The following POMK variants were observed in gnomAD, a reference collection of about 807,000 sequenced individuals.
The protein encoded by POMK is Sugen kinase 196.
Under a neutral mutation model 23.0 loss-of-function variants are expected in POMK, and 19 were observed. That is an observed-to-expected ratio of 0.83 (90% CI 0.58 to 1.21). The LOEUF (loss-of-function observed/expected upper bound fraction) is 1.21. Among genes scored for constraint, POMK ranks in the 50% most tolerant of loss-of-function variants. POMK has a pLI of 0.00. For missense variants in POMK, 410 were observed against 431.3 expected (o/e 0.95, Z 0.44); for synonymous variants, 173 against 171.6 (o/e 1.01, Z -0.06).
intron 4 of POMK, among the ~76,000 whole-genome samples, chr8:43,114,416 C>T (rs529462212): frequency 2.0e-4 from 30 of 152,272 alleles, no homozygotes; most frequent in Admixed American, 5.2e-4. Context: ...CTCCGAGCCA[C>T]GTGCGGGATA....
At chr8:43,095,472 A>G (rs947378791) in intron 1 of POMK, among the ~76,000 whole-genome samples, 1 of 152,226 alleles carries the variant, frequency 6.6e-6, no homozygotes, top group Admixed American at 6.5e-5. Context: ...GGATTCAGCA[A>G]GAAATGCATT....
chr8:43,122,864 G>A lies in POMK; in HGVS notation c.1040G>A (p.Arg347Lys), dbSNP rs1392522192. ...TLRDAMMSQAREML is the reference protein window; with the variant it reads ...TLRDAMMSQAKEML ...AGAGATGCCATGATGTCTCAGGCAAGAGAGATGCTGTGAAAACCAGTCCAG... is the reference window on the plus strand; with the variant it reads ...AGAGATGCCATGATGTCTCAGGCAAAAGAGATGCTGTGAAAACCAGTCCAG... The change falls in exon 5 of 5, where the codon AGA becomes AAA. Residue 347 changes from arginine to lysine, a missense_variant. Transcript: ENST00000331373. 3.7e-6 allele frequency: 6 copies of A among 1,608,224 alleles called. No individual in the cohort carries two copies. The highest frequency in any genetic ancestry group is 1.3e-5 in the African/African-American group (1 of 74,856).
At chr8:43,111,442 G>T (rs950480083) in intron 4 of POMK, among the ~76,000 whole-genome samples, 77 of 152,352 alleles carry the variant, frequency 5.1e-4, no homozygotes, top group African/African-American at 1.8e-3. Flanking sequence ...ACTGGGTGGA[G>T]CCCACCACAG....
At chr8:43,104,861 G>T (rs1811515944) in intron 4 of POMK, among the ~76,000 whole-genome samples, 2 of 152,000 alleles carry the variant, frequency 1.3e-5, no homozygotes, top group Admixed American at 1.3e-4. Flanking sequence ...AGCCTGGGGA[G>T]TTTGAGGCTA....
intron 4 of POMK, among the ~76,000 whole-genome samples, chr8:43,117,403 CA>C (rs1177695546): frequency 3.9e-5 from 6 of 152,158 alleles, no homozygotes; most frequent in Non-Finnish European, 2.9e-5. Flanking sequence ...TCATCCATCG[CA>C]AACGTCTTTA....
Position 43,122,641 on chromosome 8 carries a change from A to G in POMK, c.817A>G (p.Met273Val). ...GGACGTGCCTTTCCACGATGATCTC[A>G]TGCCCTCATATGATGAGAAGATTGA... is the stretch of plus-strand genomic sequence containing the variant. ...GEDVPFHDDLMPSYDEKIDIW... is the reference protein window; with the variant it reads ...GEDVPFHDDLVPSYDEKIDIW... Residue 273 changes from methionine (M) to valine (V), a missense_variant, in exon 5 of 5, where the codon ATG (methionine) becomes GTG (valine). Coordinates refer to ENST00000331373, the MANE Select transcript of POMK (RefSeq NM_032237.5). 1 of 1,614,028 alleles carries G rather than the reference A, an allele frequency of 6.2e-7. No homozygotes were observed. Among genetic ancestry groups the G allele is most frequent in the East Asian group, 2.2e-5 (1 of 44,886 alleles).
At chr8:43,115,494 T>A (rs140609839) in intron 4 of POMK, among the ~76,000 whole-genome samples, 3 of 152,140 alleles carry the variant, frequency 2.0e-5, no homozygotes, top group Non-Finnish European at 4.4e-5. Context: ...TATCCTGACC[T>A]CTCTCTCATC....
chr8:43,102,768 G>T (rs1811469471), intron 3 of POMK, among the ~76,000 whole-genome samples, 168 bp downstream of exon 3: 1 of 152,124 alleles, frequency 6.6e-6, no homozygotes, highest in African/African-American at 2.4e-5. Flanking sequence ...GCCATCCACG[G>T]TCCTACTTCA....
At chr8:43,105,630 T>C (rs1014906307) in intron 4 of POMK, among the ~76,000 whole-genome samples, 1 of 152,186 alleles carries the variant, frequency 6.6e-6, no homozygotes, top group African/African-American at 2.4e-5. Flanking sequence ...TTGTGAATAG[T>C]GCTGCAATAA....
In POMK at chr8:43,122,346, G is replaced by C; in HGVS notation, c.522G>C (p.Thr174=). The change falls in exon 5 of 5, where the codon ACG becomes ACC. Residue 174 remains threonine (T), a synonymous_variant. Transcript: ENST00000331373. ...TTTCAAAGTACCAAAATGTGAACACGTGGCAGCACAGGCTGGAGCTGGCCA... is the reference window on the plus strand; with the variant it reads ...TTTCAAAGTACCAAAATGTGAACACCTGGCAGCACAGGCTGGAGCTGGCCA... The part of the protein sequence containing the change: ...LNLSKYQNVN[T]WQHRLELAMD... The C allele has an allele frequency of 1.2e-6, 2 of 1,614,214 alleles. No individual in the cohort carries two copies. The highest frequency in any genetic ancestry group is 2.2e-5 in the South Asian group (2 of 91,086).
At chr8:43,101,249 C>A (rs546185279) in intron 2 of POMK, among the ~76,000 whole-genome samples, 90 of 151,542 alleles carry the variant, frequency 5.9e-4, no homozygotes, top group African/African-American at 2.1e-3. Flanking sequence ...ATCGTGAGAC[C>A]CAGTCTCTAC....
At chr8:43,111,919 G>T (rs201933981) in intron 4 of POMK, among the ~76,000 whole-genome samples, 13 of 152,162 alleles carry the variant, frequency 8.5e-5, no homozygotes, top group Non-Finnish European at 1.3e-4. Flanking sequence ...CCATCTGTAC[G>T]TCACCATCAT....
At chr8:43,094,236 C>A (rs562149264) in intron 1 of POMK, among the ~76,000 whole-genome samples, 2 of 152,256 alleles carry the variant, frequency 1.3e-5, no homozygotes, top group South Asian at 4.1e-4. Flanking sequence ...GGGGTTTCCC[C>A]ATGTTGGTCA....
At chr8:43,114,477 G>A (rs1367207482) in intron 4 of POMK, among the ~76,000 whole-genome samples, 4 of 152,232 alleles carry the variant, frequency 2.6e-5, no homozygotes, top group African/African-American at 7.2e-5. Context: ...TGCAGTATTA[G>A]GGTGGGAGTG....
chr8:43,117,205 C>G (rs1811818593), intron 4 of POMK, among the ~76,000 whole-genome samples: 1 of 152,200 alleles, frequency 6.6e-6, no homozygotes, highest in South Asian at 2.1e-4. Context: ...AGGGCAAATT[C>G]ACTTCTTTTG....
At chr8:43,117,192 G>A (rs1006662792) in intron 4 of POMK, among the ~76,000 whole-genome samples, 7 of 152,174 alleles carry the variant, frequency 4.6e-5, no homozygotes, top group Admixed American at 3.3e-4. Context: ...GTTAAGGCGG[G>A]GCAGGGCAAA....
At chr8:43,102,754 C>T (rs1056937837) in intron 3 of POMK, among the ~76,000 whole-genome samples, 154 bp downstream of exon 3, 10 of 152,208 alleles carry the variant, frequency 6.6e-5, no homozygotes, top group Admixed American at 2.6e-4. Flanking sequence ...TGTAAATCAC[C>T]TCTGCCATCC....
chr8:43,121,986 T>C, intron 4 of POMK, 121 bp from the exon 5 acceptor site: 1 of 953,518 alleles, frequency 1.0e-6, no homozygotes, highest in Non-Finnish European at 1.6e-6. Context: ...CGATGGGGTC[T>C]GCACCTTGTT....
At chr8:43,095,705 C>T (rs1811320504) in intron 1 of POMK, among the ~76,000 whole-genome samples, 1 of 152,146 alleles carries the variant, frequency 6.6e-6, no homozygotes, top group Non-Finnish European at 1.5e-5. Context: ...TTGCACAAAT[C>T]CTCTTGCCAA....
Sources: allele counts gnomAD v4.1 joint callset (sites outside exome capture counted in the v4.1 genomes callset), GRCh38; gene constraint gnomAD v4.1.1; transcripts MANE v1.5; gene names NCBI Gene and HGNC (gene_info 2026-07-23, HGNC 2026-07-21).